CCDC91: variants seen among roughly 807,000 people sequenced by gnomAD.
CCDC91 encodes the protein coiled-coil domain containing 91.
In CCDC91, 48 loss-of-function variants were observed where a neutral mutation model predicts 63.2. The observed-to-expected ratio is 0.76, with a 90% confidence interval of 0.60 to 0.97. CCDC91 has a LOEUF of 0.97. Among genes scored for constraint, CCDC91 ranks in the 50% least tolerant of loss-of-function variants. The pLI is 0.00. For synonymous variants in CCDC91, 167 were observed against 165.8 expected (o/e 1.01, Z -0.06); for missense variants, 500 against 494.6 (o/e 1.01, Z -0.10).
chr12:28,350,421 A>T (rs553134254), intron 6 of CCDC91, among the ~76,000 whole-genome samples: 20 of 152,308 alleles, frequency 1.3e-4, no homozygotes, highest in African/African-American at 4.6e-4. Flanking sequence ...AAGTAATTTG[A>T]AAAAGGCCAT....
intron 7 of CCDC91, among the ~76,000 whole-genome samples, chr12:28,383,484 T>C (rs1446352689): frequency 6.6e-6 from 1 of 152,120 alleles, no homozygotes; most frequent in Non-Finnish European, 1.5e-5. Flanking sequence ...TTTTAGGTAA[T>C]AGTTTCCATC....
intron 1 of CCDC91, among the ~76,000 whole-genome samples, chr12:28,202,197 CTG>C (rs1942507211): frequency 6.6e-6 from 1 of 152,114 alleles, no homozygotes; most frequent in Non-Finnish European, 1.5e-5. Flanking sequence ...CTCTTTGAAA[CTG>C]TATCTAAGAA....
At chr12:28,399,923 CT>C (rs748460820) in intron 8 of CCDC91, among the ~76,000 whole-genome samples, 7 of 152,280 alleles carry the variant, frequency 4.6e-5, no homozygotes, top group Admixed American at 1.3e-4. Context: ...TTGAGTGTGG[CT>C]TTTCCAGGCG....
At position 28,394,322 on chromosome 12, in the gene CCDC91, C is replaced by T. The variant is rs371962130; in HGVS notation, c.762+2911C>T. On this transcript the variant is annotated intron_variant, in intron 8 of 12. Transcript: ENST00000536442. Reference sequence around the variant, plus strand: ...TCTACTAAAAATACAAAAAATTAGCCGGGTGTGGTGGCGGGCACCTGTAGT... The same window carrying T: ...TCTACTAAAAATACAAAAAATTAGCTGGGTGTGGTGGCGGGCACCTGTAGT... Among the ~76,000 whole-genome samples, 507 of 151,946 alleles carry T rather than the reference C, an allele frequency of 3.3e-3. 5 individuals are homozygous for T. Among genetic ancestry groups the T allele is most frequent in the South Asian group, 4.8e-3 (23 of 4,804 alleles).
intron 1 of CCDC91, chr12:28,199,193 G>A (rs1278699332): frequency 6.6e-6 from 1 of 151,846 alleles, no homozygotes; most frequent in Non-Finnish European, 1.5e-5. Flanking sequence ...GAATACAGTT[G>A]TGAGCCACTG....
At chr12:28,206,522 A>G (rs866844928) in intron 1 of CCDC91, among the ~76,000 whole-genome samples, 1 of 152,174 alleles carries the variant, frequency 6.6e-6, no homozygotes, top group African/African-American at 2.4e-5. Context: ...AAGGGTTTGG[A>G]GTATGCTCCT....
At chr12:28,473,974 TTGTGTGTGTG>T (rs142414549) in intron 11 of CCDC91, among the ~76,000 whole-genome samples, 1 of 149,592 alleles carries the variant, frequency 6.7e-6, no homozygotes, top group Non-Finnish European at 1.5e-5. Flanking sequence ...GCATGTGTGT[TTGTGTGTGTG>T]TGTGTGTGTG....
At chr12:28,515,839 G>A (rs1939878446) in intron 12 of CCDC91, among the ~76,000 whole-genome samples, 1 of 151,788 alleles carries the variant, frequency 6.6e-6, no homozygotes, top group African/African-American at 2.4e-5. Context: ...CAAGGACCCA[G>A]GCCAAGAAGC....
intron 12 of CCDC91, among the ~76,000 whole-genome samples, chr12:28,489,273 ATAT>A (rs1951876852): frequency 6.6e-6 from 1 of 151,940 alleles, no homozygotes; most frequent in African/African-American, 2.4e-5. Flanking sequence ...GCCAGATAAG[ATAT>A]TATAATACAT....
At position 28,201,251 on chromosome 12, in the gene CCDC91, AG is replaced by A. The variant is rs34736273; in HGVS notation, c.-15+10614del. Among the ~76,000 whole-genome samples, 4 of 144,920 alleles carry A rather than the reference AG, an allele frequency of 2.8e-5. 1 individual carries two copies. The highest frequency in any genetic ancestry group is 1.4e-4 in the Admixed American group (2 of 14,574). ...CTCAGACGGGGCGGCTGCAGGGCGG[AG>A]GGGCTCCTCACTTCTCAGACGGGCG... On this transcript the variant is annotated intron_variant, in intron 1 of 12. Transcript: ENST00000536442.
intron 1 of CCDC91, among the ~76,000 whole-genome samples, chr12:28,228,721 A>T (rs754424938): frequency 6.6e-6 from 1 of 152,150 alleles, no homozygotes; most frequent in Non-Finnish European, 1.5e-5. Flanking sequence ...GGTACCAAGT[A>T]TGTGTTAAGC....
intron 7 of CCDC91, among the ~76,000 whole-genome samples, chr12:28,375,328 G>T (rs901740501): frequency 4.0e-5 from 6 of 151,586 alleles, no homozygotes; most frequent in African/African-American, 1.5e-4. Flanking sequence ...TGTAGCAATT[G>T]CAATACTTTT....
intron 1 of CCDC91, among the ~76,000 whole-genome samples, chr12:28,224,218 G>A (rs1188576772): frequency 6.6e-6 from 1 of 152,082 alleles, no homozygotes. Context: ...GTTGGCTTAA[G>A]TCATGGGGTT....
chr12:28,229,465 A>T (rs1238732684), intron 1 of CCDC91, among the ~76,000 whole-genome samples: 1 of 152,202 alleles, frequency 6.6e-6, no homozygotes, highest in Non-Finnish European at 1.5e-5. Context: ...ACTTTAGGAA[A>T]GCCTTTGTCT....
intron 1 of CCDC91, among the ~76,000 whole-genome samples, chr12:28,194,403 G>A (rs1941559522): frequency 6.6e-6 from 1 of 152,182 alleles, no homozygotes; most frequent in Non-Finnish European, 1.5e-5. Context: ...GACCCTCGCA[G>A]TGAGTGTTAC....
At chr12:28,345,107 A>G (rs1435483011) in intron 6 of CCDC91, among the ~76,000 whole-genome samples, 2 of 152,138 alleles carry the variant, frequency 1.3e-5, no homozygotes, top group African/African-American at 4.8e-5. Flanking sequence ...ACAAAAGGCT[A>G]TACAGTATAA....
chr12:28,366,808 T>C (rs1944304905), intron 7 of CCDC91, among the ~76,000 whole-genome samples: 1 of 152,032 alleles, frequency 6.6e-6, no homozygotes, highest in African/African-American at 2.4e-5. Flanking sequence ...TGGGGAACAA[T>C]AATGTGGTAC....
At chr12:28,195,777 A>T (rs904111421) in intron 1 of CCDC91, among the ~76,000 whole-genome samples, 21 of 152,208 alleles carry the variant, frequency 1.4e-4, no homozygotes, top group African/African-American at 4.6e-4. Flanking sequence ...GAGAATTGAC[A>T]TCTTAAAAAT....
chr12:28,268,692 G>T (rs1172844040), intron 3 of CCDC91: 1 of 983,832 alleles, frequency 1.0e-6, no homozygotes, highest in Non-Finnish European at 1.2e-6. Context: ...TCTTCAGAGG[G>T]TAGAAGTCAT....
Sources: gnomAD v4.1 joint callset for allele counts (sites outside exome capture counted in the v4.1 genomes callset) on GRCh38, gnomAD v4.1.1 for gene constraint, MANE v1.5 for transcripts, NCBI Gene and HGNC (gene_info 2026-07-23, HGNC 2026-07-21) for gene names.